The following TGFB2 variants were observed in gnomAD, a reference collection of about 807,000 sequenced individuals.
The protein encoded by TGFB2 is transforming growth factor beta-2 proprotein.
Under a neutral mutation model 42.7 loss-of-function variants are expected in TGFB2, and 13 were observed. That is an observed-to-expected ratio of 0.30 (90% CI 0.20 to 0.48). The LOEUF is 0.48. TGFB2 is among the 20% of genes least tolerant of loss of function. The probability of loss-of-function intolerance (pLI) is 0.99; values close to 1 mark genes in which losing one functional copy is unlikely to be tolerated. For synonymous variants in TGFB2, 193 were observed against 193.6 expected (o/e 1.00, Z 0.03); for missense variants, 390 against 517.5 (o/e 0.75, Z 2.39).
At chr1:218,384,639 G>T (rs1188234206) in intron 1 of TGFB2, among the ~76,000 whole-genome samples, 1 of 152,136 alleles carries the variant, frequency 6.6e-6, no homozygotes, top group African/African-American at 2.4e-5. Context: ...TGTTATTCTT[G>T]GCCCTGTACA....
intron 1 of TGFB2, among the ~76,000 whole-genome samples, chr1:218,395,384 A>G (rs1658469600): frequency 6.6e-6 from 1 of 152,130 alleles, no homozygotes; most frequent in Non-Finnish European, 1.5e-5. Context: ...CTAGTGGAGG[A>G]GGAGCTGCTG....
In TGFB2 at chr1:218,438,580, CT is replaced by C. The variant is rs564568082; in HGVS notation, c.1086+1093del. ...AATGACTTGAAAATTCGTTTCTCTA[CT>C]TTTTTTTTAATGTAACACAAAGTAA... is the stretch of plus-strand genomic sequence containing the variant. On this transcript the variant is annotated intron_variant, in intron 6 of 6. Transcript: ENST00000366930. 8.4e-4 allele frequency among the ~76,000 whole-genome samples: 127 copies of C among 150,618 alleles called. 3 individuals are homozygous for C. In the South Asian group the frequency reaches 0.023, roughly 28 times the overall value.
intron 1 of TGFB2, among the ~76,000 whole-genome samples, chr1:218,375,941 A>C (rs975884819): frequency 6.6e-6 from 1 of 152,172 alleles, no homozygotes; most frequent in African/African-American, 2.4e-5. Context: ...AAAATATGGG[A>C]TATCTATAAT....
At chr1:218,427,390 T>G (rs1389479464) in intron 2 of TGFB2, among the ~76,000 whole-genome samples, 3 of 152,144 alleles carry the variant, frequency 2.0e-5, no homozygotes, top group African/African-American at 7.2e-5. Context: ...AATGTGCAGG[T>G]TTGTTACATA....
Position 218,402,062 on chromosome 1 carries a change from T to C in TGFB2, c.347-3107T>C, listed in dbSNP as rs1658740185. ...GGCATCAACCCCTGGAAGGGGTAGT[T>C]GGTTCTTCAGTTGACAGTTTTTACC... On this transcript the variant is annotated intron_variant, in intron 1 of 6. Coordinates refer to ENST00000366930, the MANE Select transcript of TGFB2 (RefSeq NM_003238.6). Among the ~76,000 whole-genome samples the C allele has an allele frequency of 2.0e-5, 3 of 152,320 alleles. No homozygotes were observed. In the South Asian group the frequency reaches 6.2e-4, roughly 32 times the overall value.
At chr1:218,411,879 A>C (rs933362848) in intron 2 of TGFB2, among the ~76,000 whole-genome samples, 1 of 151,924 alleles carries the variant, frequency 6.6e-6, no homozygotes, top group Non-Finnish European at 1.5e-5. Context: ...AAAAAAAAAA[A>C]AAATAGCAGG....
intron 1 of TGFB2, among the ~76,000 whole-genome samples, chr1:218,401,788 C>G (rs1658730534): frequency 6.6e-6 from 1 of 152,156 alleles, no homozygotes. Context: ...GCCATTAAGC[C>G]CCTACCCCGG....
rs180863905 is a variant in TGFB2 at position 218,411,812 on chromosome 1, C to T, written c.510+6480C>T. ...CCCGGGAGGTGGAGGTTGCAGTGAG[C>T]AGAGATTGCACCACTGCACTCCAGC... On this transcript the variant is annotated intron_variant, in intron 2 of 6. Coordinates refer to ENST00000366930, the MANE Select transcript of TGFB2 (RefSeq NM_003238.6). Among the ~76,000 whole-genome samples the T allele has an allele frequency of 9.1e-3, 1,346 of 148,180 alleles. 16 individuals are homozygous for T. The highest frequency in any genetic ancestry group is 0.032 in the African/African-American group (1,259 of 39,932).
intron 1 of TGFB2, among the ~76,000 whole-genome samples, chr1:218,368,728 A>C (rs1281251126): frequency 2.0e-5 from 3 of 152,134 alleles, no homozygotes; most frequent in African/African-American, 7.2e-5. Context: ...GTTAGAGAGT[A>C]ATCTGGGACT....
intron 1 of TGFB2, among the ~76,000 whole-genome samples, chr1:218,379,487 C>CTTTCT (rs375611057): frequency 7.5e-6 from 1 of 133,412 alleles, no homozygotes; most frequent in Non-Finnish European, 1.6e-5. Context: ...TTCTTTCTTT[C>CTTTCT]TTTTTTTTTT....
At chr1:218,418,728 A>C (rs568223781) in intron 2 of TGFB2, among the ~76,000 whole-genome samples, 1 of 152,118 alleles carries the variant, frequency 6.6e-6, no homozygotes, top group African/African-American at 2.4e-5. Context: ...AGTCTTTCCC[A>C]TGCTGTTCTC....
At chr1:218,427,192 G>T (rs1659651388) in intron 2 of TGFB2, among the ~76,000 whole-genome samples, 3 of 152,002 alleles carry the variant, frequency 2.0e-5, no homozygotes, top group Admixed American at 6.6e-5. Context: ...CCACAATATT[G>T]TATAGCCATC....
intron 1 of TGFB2, among the ~76,000 whole-genome samples, chr1:218,364,272 C>G (rs994751699): frequency 6.6e-6 from 1 of 152,226 alleles, no homozygotes; most frequent in Non-Finnish European, 1.5e-5. Context: ...AGCCCTGACC[C>G]TCGGAGCAGG....
chr1:218,363,992 T>G (rs1225569042), intron 1 of TGFB2, among the ~76,000 whole-genome samples: 9 of 152,216 alleles, frequency 5.9e-5, no homozygotes, highest in African/African-American at 9.6e-5. Context: ...TATGAGATTT[T>G]TTTTTGCAAT....
chr1:218,418,263 G>A (rs933375299), intron 2 of TGFB2, among the ~76,000 whole-genome samples: 3 of 152,216 alleles, frequency 2.0e-5, no homozygotes, highest in Non-Finnish European at 2.9e-5. Flanking sequence ...TTGCATCAGC[G>A]TGACCTGGAC....
At chr1:218,413,000 C>T (rs780204147) in intron 2 of TGFB2, among the ~76,000 whole-genome samples, 4 of 152,178 alleles carry the variant, frequency 2.6e-5, no homozygotes, top group Non-Finnish European at 5.9e-5. Flanking sequence ...GTGGTCTTCC[C>T]AGAACAGTAA....
intron 1 of TGFB2, among the ~76,000 whole-genome samples, chr1:218,369,642 G>A (rs924386745): frequency 1.3e-5 from 2 of 152,160 alleles, no homozygotes; most frequent in Non-Finnish European, 2.9e-5. Flanking sequence ...ACTGGAGTTC[G>A]TACTCGCGGT....
intron 1 of TGFB2, chr1:218,363,206 G>C: frequency 1.3e-6 from 1 of 766,488 alleles, no homozygotes; most frequent in South Asian, 1.8e-5. Context: ...AGGTAGCAGG[G>C]ACCTTATTTC....
chr1:218,408,929 G>C (rs140054416), intron 2 of TGFB2, among the ~76,000 whole-genome samples: 17 of 152,220 alleles, frequency 1.1e-4, no homozygotes, highest in Non-Finnish European at 2.2e-4. Flanking sequence ...CAGTGGGAGC[G>C]CTGAGCTTGT....
Sources: allele counts gnomAD v4.1 joint callset (sites outside exome capture counted in the v4.1 genomes callset), GRCh38; gene constraint gnomAD v4.1.1; transcripts MANE v1.5; gene names NCBI Gene and HGNC (gene_info 2026-07-23, HGNC 2026-07-21).